The following WDR7 variants were observed in gnomAD, a reference collection of about 807,000 sequenced individuals.
The protein encoded by WDR7 is WD repeat-containing protein 7.
WDR7 carries 46 observed loss-of-function variants against 169.4 expected under a neutral mutation model. That is an observed-to-expected ratio of 0.27 (90% CI 0.21 to 0.35). WDR7 has a LOEUF of 0.35. WDR7 is among the 10% of genes least tolerant of loss of function. The pLI is 1.00. For synonymous variants in WDR7, 612 were observed against 666.8 expected, an observed-to-expected ratio of 0.92 and a Z score of 1.27; for missense variants, 1,534 against 1,859.3, an observed-to-expected ratio of 0.83 and a Z score of 3.22.
At chr18:56,879,138 G>A (rs562677091) in intron 20 of WDR7, among the ~76,000 whole-genome samples, 7 of 152,256 alleles carry the variant, frequency 4.6e-5, no homozygotes, top group South Asian at 4.1e-4. Context: ...TGGGAGATAC[G>A]TTGGAGTGGA....
intron 26 of WDR7, among the ~76,000 whole-genome samples, chr18:56,968,542 C>A (rs1031330757): frequency 5.3e-5 from 8 of 152,222 alleles, no homozygotes; most frequent in African/African-American, 1.9e-4. Flanking sequence ...TGTATTAAAC[C>A]ATTACAGGCC....
intron 21 of WDR7, among the ~76,000 whole-genome samples, chr18:56,892,769 A>G (rs2046281474): frequency 2.0e-5 from 3 of 152,088 alleles, no homozygotes; most frequent in Admixed American, 2.0e-4. Flanking sequence ...TTTAATATGC[A>G]AAAGGGCTTT....
At chr18:56,747,749 T>C (rs1376706678) in intron 14 of WDR7, among the ~76,000 whole-genome samples, 2 of 152,052 alleles carry the variant, frequency 1.3e-5, no homozygotes, top group Non-Finnish European at 2.9e-5. Flanking sequence ...CAGGTGGGCA[T>C]GGCCACTGTG....
intron 13 of WDR7, among the ~76,000 whole-genome samples, chr18:56,726,377 A>G (rs2026455637): frequency 1.3e-5 from 2 of 152,060 alleles, no homozygotes; most frequent in Admixed American, 1.3e-4. Context: ...TATCCCTTGT[A>G]AGTTGGATTC....
chr18:56,929,542 A>G (rs1262911430), intron 22 of WDR7, among the ~76,000 whole-genome samples: 1 of 152,224 alleles, frequency 6.6e-6, no homozygotes, highest in East Asian at 1.9e-4. Flanking sequence ...GTTTAGACAG[A>G]TTAAACAACT....
At position 56,757,098 on chromosome 18, in the gene WDR7, T is replaced by C. The variant is rs1345614171; in HGVS notation, c.2505T>C (p.Phe835=). The change falls in exon 15 of 28, where the codon TTT becomes TTC. Residue 835 remains phenylalanine (F), a synonymous_variant. Coordinates refer to ENST00000254442, the MANE Select transcript of WDR7 (RefSeq NM_015285.3). ...GMLKPHCTVS[F]GLLSRGGHMS... ...TGAAACCCCACTGCACCGTATCGTT[T>C]GGCCTCTTGTCAAGAGGAGGCCATA... 2 of 1,614,188 alleles carry C rather than the reference T, an allele frequency of 1.2e-6. No homozygotes were observed. The highest frequency in any genetic ancestry group is 8.5e-7 in the Non-Finnish European group (1 of 1,180,032).
intron 20 of WDR7, among the ~76,000 whole-genome samples, chr18:56,827,518 G>A (rs1251121092): frequency 6.6e-6 from 1 of 151,982 alleles, no homozygotes; most frequent in Non-Finnish European, 1.5e-5. Flanking sequence ...ATGGACCTAT[G>A]TCCATGAGTA....
intron 1 of WDR7, among the ~76,000 whole-genome samples, chr18:56,655,514 G>C (rs1935013732): frequency 6.6e-6 from 1 of 151,918 alleles, no homozygotes; most frequent in Non-Finnish European, 1.5e-5. Flanking sequence ...CAGCTACTTG[G>C]GGGGCTGAGG....
At position 56,811,143 on chromosome 18, in the gene WDR7, A is replaced by G. The variant is rs139788676; in HGVS notation, c.3191-4888A>G. ...CTTCATTTCTTTGTATTGCTATATA[A>G]TATTCTATTGTATGAATTTATCATT... On this transcript the variant is annotated intron_variant, in intron 19 of 27. Coordinates refer to ENST00000254442, the MANE Select transcript of WDR7 (RefSeq NM_015285.3). Among the ~76,000 whole-genome samples the G allele has an allele frequency of 5.4e-4, 82 of 152,298 alleles. 1 individual carries two copies. In the East Asian group the frequency reaches 0.014, roughly 27 times the overall value.
At chr18:56,694,467 C>A in intron 9 of WDR7, 152 bp from the exon 10 acceptor site, 1 of 646,848 alleles carries the variant, frequency 1.5e-6, no homozygotes, top group Non-Finnish European at 2.5e-6. Context: ...TATAGAATTA[C>A]ATTAAAATAT....
chr18:56,953,558 T>A (rs2047211339), intron 25 of WDR7, among the ~76,000 whole-genome samples: 1 of 152,276 alleles, frequency 6.6e-6, no homozygotes, highest in African/African-American at 2.4e-5. Flanking sequence ...CTGTGTGCTA[T>A]GCTGGGCCTG....
chr18:56,900,076 GTGTGTGTATA>G (rs765779615), intron 21 of WDR7, among the ~76,000 whole-genome samples: 6,032 of 52,050 alleles, frequency 0.12, 440 homozygotes, highest in African/African-American at 0.3. Flanking sequence ...GTGTGTGTGT[GTGTGTGTATA>G]TATATATATA....
At chr18:56,716,700 C>T (rs1406043177) in intron 12 of WDR7, among the ~76,000 whole-genome samples, 1 of 152,128 alleles carries the variant, frequency 6.6e-6, no homozygotes, top group Non-Finnish European at 1.5e-5. Context: ...GTGTGTTCAT[C>T]TAAAACTAGG....
intron 7 of WDR7, among the ~76,000 whole-genome samples, chr18:56,688,561 CAAAAA>C (rs68137220): frequency 7.4e-6 from 1 of 135,244 alleles, no homozygotes; most frequent in Non-Finnish European, 1.6e-5. Flanking sequence ...ACTAAAAATA[CAAAAA>C]AAAAAAAAAA....
intron 20 of WDR7, among the ~76,000 whole-genome samples, chr18:56,831,504 C>T (rs1360362622): frequency 6.6e-6 from 1 of 152,100 alleles, no homozygotes; most frequent in Non-Finnish European, 1.5e-5. Context: ...AGCGCAAGTG[C>T]TTGAAATGGC....
chr18:56,928,692 C>T (rs562729969), intron 22 of WDR7, among the ~76,000 whole-genome samples: 4 of 152,226 alleles, frequency 2.6e-5, no homozygotes, highest in African/African-American at 7.2e-5. Context: ...CTGTGCTATT[C>T]AGATCTCCAA....
chr18:56,752,106 A>C (rs2043802603), intron 14 of WDR7, among the ~76,000 whole-genome samples: 1 of 152,208 alleles, frequency 6.6e-6, no homozygotes, highest in African/African-American at 2.4e-5. Context: ...TGGGGTGCTC[A>C]TTAGATTCTG....
At chr18:56,672,831 A>T (rs1463790655) in intron 2 of WDR7, among the ~76,000 whole-genome samples, 157 bp downstream of exon 2, 1 of 152,198 alleles carries the variant, frequency 6.6e-6, no homozygotes, top group Non-Finnish European at 1.5e-5. Context: ...TATTTACACT[A>T]TTCATCAGAG....
chr18:56,845,372 A>G (rs925618723), intron 20 of WDR7, among the ~76,000 whole-genome samples: 2 of 152,044 alleles, frequency 1.3e-5, no homozygotes, highest in African/African-American at 4.8e-5. Flanking sequence ...AAATAATAAG[A>G]TCTATGTAAA....
Sources: gnomAD v4.1 joint callset for allele counts (sites outside exome capture counted in the v4.1 genomes callset) on GRCh38, gnomAD v4.1.1 for gene constraint, MANE v1.5 for transcripts, NCBI Gene and HGNC (gene_info 2026-07-23, HGNC 2026-07-21) for gene names.